SMIM41: variants seen among roughly 807,000 people sequenced by gnomAD.
SMIM41 encodes small integral membrane protein 41.
At chr12:52,096,848 C>G (rs897714520) in intron 2 of SMIM41, among the ~76,000 whole-genome samples, 4 of 151,736 alleles carry the variant, frequency 2.6e-5, no homozygotes, top group Admixed American at 6.6e-5. Context: ...AAATGTACAC[C>G]CCCCTGTGAT....
At chr12:52,097,398 G>A (rs1259545791) in intron 2 of SMIM41, among the ~76,000 whole-genome samples, 2 of 151,344 alleles carry the variant, frequency 1.3e-5, no homozygotes, top group African/African-American at 2.4e-5. Flanking sequence ...GACACCCCCA[G>A]TGATGCAGGG....
At chr12:52,104,777 T>C (rs1261253357) in intron 2 of SMIM41, among the ~76,000 whole-genome samples, 2 of 152,090 alleles carry the variant, frequency 1.3e-5, no homozygotes, top group East Asian at 3.9e-4. Context: ...AATGAGTCCC[T>C]CTAAACTATT....
chr12:52,099,161 G>A (rs1401872448), intron 2 of SMIM41, among the ~76,000 whole-genome samples: 1 of 150,992 alleles, frequency 6.6e-6, no homozygotes, highest in Non-Finnish European at 1.5e-5. Flanking sequence ...TCATCCTGTC[G>A]CCCTCTGGAT....
rs923710982 is a variant in SMIM41, at chr12:52,081,682, C to T, written c.*120+1501C>T. On this transcript the variant is annotated intron_variant, in intron 1 of 2. Coordinates refer to ENST00000546390, the MANE Select transcript of SMIM41 (RefSeq NM_001369216.1). The surrounding 1 kb of genome is among the most constrained non-coding windows in gnomAD (Gnocchi z 4.1). ...GGGAACTTCCTCTCTTGATTGTACC[C>T]GGTTTCACCCAGCTGCCTTGCCTGT... Among the ~76,000 whole-genome samples, 6 of 152,238 alleles carry T rather than the reference C, an allele frequency of 3.9e-5. No individual in the cohort carries two copies. The highest frequency in any genetic ancestry group is 2.1e-4 in the South Asian group (1 of 4,820).
rs1306349465 is a variant in SMIM41 at position 52,083,943 on chromosome 12, G to T, written c.*170G>T. ...GGAGAGAAGAGAAGAAGAGAGGAGA[G>T]AAGAGAAGAGGAGAGGAGAGAAGAG... On this transcript the variant is annotated 3_prime_UTR_variant, in exon 2 of 3. Coordinates refer to ENST00000546390, the MANE Select transcript of SMIM41 (RefSeq NM_001369216.1). 1 of 151,574 alleles carries T rather than the reference G, an allele frequency of 6.6e-6. No individual in the cohort carries two copies. Among genetic ancestry groups the T allele is most frequent in the Non-Finnish European group, 1.5e-5 (1 of 68,070 alleles). 9.4% of individuals were successfully genotyped at this position (151,574 alleles called of 1,614,324 possible).
intron 2 of SMIM41, among the ~76,000 whole-genome samples, chr12:52,105,713 A>G (rs559470294): frequency 1.3e-5 from 2 of 152,184 alleles, no homozygotes; most frequent in Non-Finnish European, 2.9e-5. Context: ...AGATCACTCC[A>G]CTGCACTTCC....
At chr12:52,085,776 G>T (rs1313471378) in intron 2 of SMIM41, among the ~76,000 whole-genome samples, 1 of 152,212 alleles carries the variant, frequency 6.6e-6, no homozygotes, top group African/African-American at 2.4e-5. Context: ...AGACCACAGG[G>T]TCCAAAGCAG....
intron 2 of SMIM41, among the ~76,000 whole-genome samples, chr12:52,093,869 G>A (rs924811194): frequency 2.0e-5 from 3 of 152,064 alleles, no homozygotes; most frequent in Admixed American, 6.6e-5. Flanking sequence ...GGTGGCTCAC[G>A]CCTGTAATCC....
In SMIM41 at chr12:52,081,265, TCCC is replaced by T. The variant is rs1202495818; in HGVS notation, c.*120+1087_*120+1089del. 6.6e-6 allele frequency among the ~76,000 whole-genome samples: 1 copy of T among 151,886 alleles called. No homozygotes were observed. The highest frequency in any genetic ancestry group is 2.4e-5 in the African/African-American group (1 of 41,324). On this transcript the variant is annotated intron_variant, in intron 1 of 2. Coordinates refer to ENST00000546390, the MANE Select transcript of SMIM41 (RefSeq NM_001369216.1). The surrounding 1 kb of genome is among the most constrained non-coding windows in gnomAD (Gnocchi z 4.1). ...TGACTTTGGCCTCTCTTGCCCCCCC[TCCC>T]CCGATTCTGGAGCCCCTCCCCTGCT...
chr12:52,106,858 T>C (rs547763074), intron 2 of SMIM41, among the ~76,000 whole-genome samples: 77 of 152,360 alleles, frequency 5.1e-4, no homozygotes, highest in Non-Finnish European at 7.6e-4. Context: ...CCAGATGGCA[T>C]GGTCTCAGCT....
intron 2 of SMIM41, among the ~76,000 whole-genome samples, chr12:52,095,549 C>T (rs1940077823): frequency 6.6e-6 from 1 of 152,066 alleles, no homozygotes; most frequent in Non-Finnish European, 1.5e-5. Context: ...TGTTTCTACC[C>T]CCAGCGGCAT....
intron 2 of SMIM41, among the ~76,000 whole-genome samples, chr12:52,106,075 T>C (rs1453689456): frequency 3.9e-5 from 6 of 152,234 alleles, no homozygotes; most frequent in African/African-American, 1.2e-4. Context: ...TTAAACTCCA[T>C]ACAATTCAAT....
intron 2 of SMIM41, among the ~76,000 whole-genome samples, chr12:52,105,880 G>A (rs2120734295): frequency 6.6e-6 from 1 of 152,302 alleles, no homozygotes; most frequent in African/African-American, 2.4e-5. Context: ...CTACTTATCT[G>A]TATGGCAAGG....
At chr12:52,090,139 T>TG (rs1939973684) in intron 2 of SMIM41, among the ~76,000 whole-genome samples, 1 of 152,116 alleles carries the variant, frequency 6.6e-6, no homozygotes, top group Admixed American at 6.5e-5. Context: ...GGTGTGATCT[T>TG]GGCTCACTAC....
chr12:52,097,355 C>G (rs1940117716), intron 2 of SMIM41, among the ~76,000 whole-genome samples: 1 of 151,916 alleles, frequency 6.6e-6, no homozygotes, highest in Admixed American at 6.5e-5. Flanking sequence ...ATCACCCCCC[C>G]CCGGATATTA....
rs932299212 is a variant in SMIM41, at chr12:52,107,431, A to G, written c.*248A>G. The stretch of plus-strand genomic sequence containing the variant: ...GGTCCTTGCTGGACTGTTCCTGTCC[A>G]TGTGCCTGGTCATGGTGCTGGGGAA... On this transcript the variant is annotated 3_prime_UTR_variant, in exon 3 of 3. Transcript: ENST00000546390. 3 of 583,818 alleles carry G rather than the reference A, an allele frequency of 5.1e-6. No individual in the cohort carries two copies. The African/African-American group carries it at 5.6e-5, about 11-fold the overall frequency. The allele number at this position is 583,818 out of a possible 1,614,324, so 36.2% of individuals were successfully genotyped here. A position where few individuals can be genotyped will look rare whatever the true frequency, so the allele number is the denominator to read the frequency against.
intron 2 of SMIM41, among the ~76,000 whole-genome samples, chr12:52,099,444 A>G (rs1840496067): frequency 1.3e-5 from 2 of 151,018 alleles, no homozygotes; most frequent in Admixed American, 6.6e-5. Context: ...TATTGGTGTA[A>G]AACCCCCTGT....
chr12:52,093,809 A>C (rs1940043368), intron 2 of SMIM41, among the ~76,000 whole-genome samples: 1 of 152,178 alleles, frequency 6.6e-6, no homozygotes, highest in Non-Finnish European at 1.5e-5. Context: ...CAATTGGATT[A>C]TCATTCAACA....
chr12:52,086,154 C>T (rs1202680882), intron 2 of SMIM41, among the ~76,000 whole-genome samples: 9 of 152,136 alleles, frequency 5.9e-5, no homozygotes, highest in Non-Finnish European at 1.3e-4. Context: ...AGTGGGCTCT[C>T]TTGGCAGTTG....
Sources: allele counts gnomAD v4.1 joint callset (sites outside exome capture counted in the v4.1 genomes callset), GRCh38; gene constraint gnomAD v4.1.1; non-coding constraint Gnocchi (gnomAD v3.1); transcripts MANE v1.5; gene names NCBI Gene and HGNC (gene_info 2026-07-23, HGNC 2026-07-21).